STAM2: variants seen among roughly 807,000 people sequenced by gnomAD.
STAM2 encodes the protein signal transducing adaptor molecule 2, also known as signal transducing adapter molecule 2.
A neutral mutation model predicts 65.6 loss-of-function variants in STAM2; 51 were observed. The observed-to-expected ratio is 0.78, with a 90% CI of 0.62 to 0.98. The LOEUF (loss-of-function observed/expected upper bound fraction) is 0.98, where lower values mean the gene tolerates loss of function less well. Among genes scored for constraint, STAM2 ranks in the 50% least tolerant of loss-of-function variants. STAM2 has a pLI of 0.00. For synonymous variants in STAM2, 198 were observed against 208.4 expected (o/e 0.95, Z 0.43); for missense variants, 584 against 617.8 (o/e 0.95, Z 0.58).
intron 8 of STAM2, among the ~76,000 whole-genome samples, chr2:152,135,190 AATAG>A (rs1689132348): frequency 6.6e-6 from 1 of 152,230 alleles, no homozygotes; most frequent in African/African-American, 2.4e-5. Flanking sequence ...CTTTGTACAG[AATAG>A]ATATGAACTG....
intron 1 of STAM2, among the ~76,000 whole-genome samples, chr2:152,169,837 C>T (rs1050085643): frequency 1.3e-5 from 2 of 150,116 alleles, no homozygotes. Flanking sequence ...CTTGGAAGGG[C>T]AACTTTGCAA....
At chr2:152,165,450 G>A (rs1323197642) in intron 1 of STAM2, among the ~76,000 whole-genome samples, 1 of 151,706 alleles carries the variant, frequency 6.6e-6, no homozygotes, top group Non-Finnish European at 1.5e-5. Context: ...AAGTCTCCAA[G>A]GCAGCCACTA....
rs1688773595 is a variant in STAM2 at position 152,117,690 on chromosome 2, C to T, written c.*2884G>A. ...TTATAGCAATTCAATAAGCCCTCTC[C>T]TAGAACTCAGGGGCTTTTAAATTTA... On this transcript the variant is annotated 3_prime_UTR_variant, in exon 14 of 14. Transcript: ENST00000263904. 6.6e-6 allele frequency: 1 copy of T among 152,044 alleles called. No homozygotes were observed. The highest frequency in any genetic ancestry group is 1.5e-5 in the Non-Finnish European group (1 of 68,004). The allele number at this position is 152,044 out of a possible 1,614,324, so 9.4% of individuals were successfully genotyped here.
At chr2:152,151,925 G>GGGTT (rs761550527) in intron 1 of STAM2, among the ~76,000 whole-genome samples, 23 of 152,038 alleles carry the variant, frequency 1.5e-4, no homozygotes, top group South Asian at 8.3e-4. Context: ...ATGAACATCT[G>GGGTT]GGTTGGTTGG....
At position 152,120,308 on chromosome 2, in the gene STAM2, T is replaced by C. The variant is rs1370606874; in HGVS notation, c.*266A>G. On this transcript the variant is annotated 3_prime_UTR_variant, in exon 14 of 14. Coordinates refer to ENST00000263904, the MANE Select transcript of STAM2 (RefSeq NM_005843.6). The stretch of plus-strand genomic sequence containing the variant: ...TACTTAATGAGTATCTAGATTTATG[T>C]AGAGAAATCTGAAAGTAAGACAAAA... 8.8e-6 allele frequency: 4 copies of C among 454,700 alleles called. No individual in the cohort carries two copies. The highest frequency in any genetic ancestry group is 2.0e-5 in the African/African-American group (1 of 50,102). The allele number at this position is 454,700 out of a possible 1,614,324, so 28.2% of individuals were successfully genotyped here.
chr2:152,134,397 T>C (rs1689115770), intron 8 of STAM2, among the ~76,000 whole-genome samples: 1 of 152,188 alleles, frequency 6.6e-6, no homozygotes, highest in Admixed American at 6.5e-5. Flanking sequence ...AATATTCCTA[T>C]CTACTTAGAG....
chr2:152,120,996 G>T (rs960337494), intron 13 of STAM2, among the ~76,000 whole-genome samples, 194 bp from the exon 14 acceptor site: 1 of 151,984 alleles, frequency 6.6e-6, no homozygotes. Flanking sequence ...TTTGAGATGG[G>T]ATCTTGCTCT....
chr2:152,123,983 G>A (rs1579309923), intron 12 of STAM2, 48 bp from the exon 13 acceptor site: 1 of 1,455,996 alleles, frequency 6.9e-7, no homozygotes, highest in Non-Finnish European at 9.5e-7. Flanking sequence ...CCAAACATGT[G>A]CCTAATAATA....
rs768717452 is a variant in STAM2, at chr2:152,147,244, T to G, written c.365A>C (p.Lys122Thr). 1 of 1,612,208 alleles carries G rather than the reference T, an allele frequency of 6.2e-7. No individual in the cohort carries two copies. The highest frequency in any genetic ancestry group is 8.5e-7 in the Non-Finnish European group (1 of 1,179,236). The change falls in exon 5 of 14, where the codon AAG (lysine) becomes ACG (threonine). Residue 122 changes from lysine (K) to threonine (T), a missense_variant. Coordinates refer to ENST00000263904, the MANE Select transcript of STAM2 (RefSeq NM_005843.6). ...AGATATCAGACTAAACTGAGGGTCC[T>G]TCTGAAATTCTTCTGACCACTCCAC... ...LMVEWSEEFQ[K>T]DPQFSLISAT...
intron 1 of STAM2, among the ~76,000 whole-genome samples, chr2:152,168,312 C>T (rs1689832558): frequency 1.3e-5 from 2 of 151,990 alleles, no homozygotes; most frequent in African/African-American, 4.8e-5. Context: ...AGGCATGCAC[C>T]ACATGTCCGG....
rs1258901222 is a variant in STAM2 at position 152,143,898 on chromosome 2, A to T, written c.633T>A (p.Tyr211Ter). The T allele has an allele frequency of 1.6e-5, 26 of 1,613,692 alleles. No individual in the cohort carries two copies. Among genetic ancestry groups the T allele is most frequent in the Non-Finnish European group, 2.1e-5 (25 of 1,179,824 alleles). ...NKVARKVRAL[Y>*]DFEAVEDNEL... ...CATTGTCCTCAACAGCTTCAAAATC[A>T]TATAAAGCTCTCACTTTCCGTGCAA... The change falls in exon 7 of 14, where the codon TAT becomes TAA. Residue 211 changes from tyrosine (Y) to a stop codon, truncating the protein, a stop_gained. Coordinates refer to ENST00000263904, the MANE Select transcript of STAM2 (RefSeq NM_005843.6). LOFTEE classifies it high-confidence loss of function.
chr2:152,126,445 ATTT>A, intron 11 of STAM2, 66 bp from the exon 12 acceptor site: 1 of 1,011,232 alleles, frequency 9.9e-7, no homozygotes, highest in Non-Finnish European at 1.3e-6. Context: ...AATATAAATT[ATTT>A]TTTTAATTTA....
At chr2:152,175,525 T>C in intron 1 of STAM2, 78 bp downstream of exon 1, 2 of 1,580,360 alleles carry the variant, frequency 1.3e-6, no homozygotes, top group Non-Finnish European at 1.7e-6. Flanking sequence ...CCGGAGTCGC[T>C]ACCGCCCACT....
At chr2:152,122,938 T>C (rs954845172) in intron 13 of STAM2, among the ~76,000 whole-genome samples, 1 of 151,630 alleles carries the variant, frequency 6.6e-6, no homozygotes, top group Non-Finnish European at 1.5e-5. Context: ...ATGGTGGTGC[T>C]TGCCTGTAGT....
chr2:152,146,268 T>C (rs1403278551), intron 5 of STAM2, among the ~76,000 whole-genome samples: 3 of 99,146 alleles, frequency 3.0e-5, no homozygotes, highest in Admixed American at 1.1e-4. Context: ...CAAAACTCCA[T>C]CTCAAAAAAA....
intron 12 of STAM2, among the ~76,000 whole-genome samples, chr2:152,125,526 C>T (rs150323931): frequency 7.0e-4 from 106 of 152,158 alleles, no homozygotes; most frequent in Middle Eastern, 3.4e-3. Context: ...AAAACGCTTC[C>T]GAATGGGGAT....
In STAM2 at chr2:152,143,815, T is replaced by C. The variant is rs1689291146; in HGVS notation, c.704+12A>G. Reference sequence around the variant, plus strand: ...TACACTTTAAACCTTCCCATAAAGATTTAAAACTTACCTGTCATCCAAAAC... The same window carrying C: ...TACACTTTAAACCTTCCCATAAAGACTTAAAACTTACCTGTCATCCAAAAC... On this transcript the variant is annotated intron_variant, in intron 7 of 13. Transcript: ENST00000263904. 1.9e-6 allele frequency: 3 copies of C among 1,601,590 alleles called. No homozygotes were observed. Among genetic ancestry groups the C allele is most frequent in the African/African-American group, 2.7e-5 (2 of 74,446 alleles).
At chr2:152,173,365 T>C (rs11683326) in intron 1 of STAM2, among the ~76,000 whole-genome samples, 22,067 of 147,174 alleles carry the variant, frequency 0.15, 1,923 homozygotes, top group Middle Eastern at 0.3. Context: ...TATACACACA[T>C]ATATATACAT....
intron 1 of STAM2, among the ~76,000 whole-genome samples, chr2:152,167,278 G>C (rs901374376): frequency 6.6e-6 from 1 of 152,184 alleles, no homozygotes; most frequent in African/African-American, 2.4e-5. Flanking sequence ...GTGAAGAACT[G>C]TAAATGTTCC....
Sources: allele counts gnomAD v4.1 joint callset (sites outside exome capture counted in the v4.1 genomes callset), GRCh38; gene constraint gnomAD v4.1.1; transcripts MANE v1.5; gene names NCBI Gene and HGNC (gene_info 2026-07-23, HGNC 2026-07-21).